Variants in CRTC1 observed in about 807,000 individuals in gnomAD.
The protein encoded by CRTC1 is CREB regulated transcription coactivator 1.
In CRTC1, 18 loss-of-function variants were observed where a neutral mutation model predicts 66.1. The observed-to-expected ratio is 0.27, with a 90% CI of 0.19 to 0.40. CRTC1 has a LOEUF of 0.40. Ranked by LOEUF, CRTC1 falls within the 10% of genes least tolerant of loss-of-function variation. The pLI is 1.00. For missense variants in CRTC1, 669 were observed against 887.9 expected, an observed-to-expected ratio of 0.75 and a Z score of 3.13; for synonymous variants, 416 against 398.8, an observed-to-expected ratio of 1.04 and a Z score of -0.51.
intron 1 of CRTC1, among the ~76,000 whole-genome samples, chr19:18,688,688 T>G (rs1163799586): frequency 6.6e-6 from 1 of 152,090 alleles, no homozygotes; most frequent in Non-Finnish European, 1.5e-5. Flanking sequence ...TCCGCCCACC[T>G]CGGCCTCTCG....
chr19:18,734,079 G>A (rs1026191547), intron 1 of CRTC1, among the ~76,000 whole-genome samples: 4 of 152,004 alleles, frequency 2.6e-5, no homozygotes, highest in African/African-American at 9.7e-5. Flanking sequence ...TGCAGCCTGG[G>A]TGACAAGAGT....
At chr19:18,720,127 G>A (rs1184977670) in intron 1 of CRTC1, among the ~76,000 whole-genome samples, 1 of 152,226 alleles carries the variant, frequency 6.6e-6, no homozygotes, top group Non-Finnish European at 1.5e-5. Context: ...CAAGAGATGT[G>A]TTTTGAGTCA....
Position 18,780,418 on chromosome 19 carries a change from T to C in CRTC1, c.*3036T>C, listed in dbSNP as rs542009001. On this transcript the variant is annotated 3_prime_UTR_variant, in exon 14 of 14. Transcript: ENST00000321949. The stretch of plus-strand genomic sequence containing the variant: ...AGCCCAAGTTCAGCCTCTCTCTGTG[T>C]CCTCCAGAGAAGAGGGTTCTTTGCC... 4.3e-6 allele frequency: 1 copy of C among 232,186 alleles called. No homozygotes were observed. The highest frequency in any genetic ancestry group is 1.8e-4 in the South Asian group (1 of 5,526). The allele number at this position is 232,186 out of a possible 1,614,324, so 14.4% of individuals were successfully genotyped here.
At position 18,749,860 on chromosome 19, in the gene CRTC1, G is replaced by T. The variant is rs780879532; in HGVS notation, c.523G>T (p.Val175Leu). 1 of 1,613,868 alleles carries T rather than the reference G, an allele frequency of 6.2e-7. No individual in the cohort carries two copies. Among genetic ancestry groups the T allele is most frequent in the Middle Eastern group, 1.6e-4 (1 of 6,062 alleles). The change falls in exon 5 of 14, where the codon GTG becomes TTG. Residue 175 changes from valine to leucine, a missense_variant. Physicochemically the swap from Val to Leu is conservative, Grantham distance 32 (BLOSUM62 1). Transcript: ENST00000321949. ...PESFSSGSQD[V>L]HQKRVLLLTV... ...ATCCTTTAGCAGTGGGTCCCAGGAC[G>T]TGCACCAGAAAAGAGGTATGGACAG...
chr19:18,690,637 A>G (rs1156915057), intron 1 of CRTC1, among the ~76,000 whole-genome samples: 1 of 152,142 alleles, frequency 6.6e-6, no homozygotes, highest in East Asian at 1.9e-4. Context: ...CCTTAGTTGG[A>G]AAAAAGGTTT....
In CRTC1 at chr19:18,780,690, G is replaced by T. The variant is rs1482873444; in HGVS notation, c.*3308G>T. The T allele has an allele frequency of 4.5e-6, 1 of 222,218 alleles. No homozygotes were observed. The highest frequency in any genetic ancestry group is 9.0e-6 in the Non-Finnish European group (1 of 111,188). 13.8% of individuals were successfully genotyped at this position (222,218 alleles called of 1,614,324 possible). ...AGAAGCCCATGGGGGGCCAGGCCGGGTGGCTTCTATTTTATTTTTTTAGAG... is the reference window on the plus strand; with the variant it reads ...AGAAGCCCATGGGGGGCCAGGCCGGTTGGCTTCTATTTTATTTTTTTAGAG... On this transcript the variant is annotated 3_prime_UTR_variant, in exon 14 of 14. Transcript: ENST00000321949.
intron 1 of CRTC1, among the ~76,000 whole-genome samples, chr19:18,727,470 A>G (rs971457983): frequency 2.7e-5 from 4 of 148,322 alleles, no homozygotes; most frequent in Non-Finnish European, 4.5e-5. Flanking sequence ...AGTCCCAGCT[A>G]TGTGGGAGGC....
intron 1 of CRTC1, among the ~76,000 whole-genome samples, chr19:18,687,115 A>G (rs1218321964): frequency 6.8e-6 from 1 of 146,182 alleles, no homozygotes. Flanking sequence ...TCCCGAGTTC[A>G]AGTGATTCTC....
intron 1 of CRTC1, among the ~76,000 whole-genome samples, chr19:18,734,053 G>A (rs1268284718): frequency 6.6e-6 from 1 of 152,072 alleles, no homozygotes; most frequent in Non-Finnish European, 1.5e-5. Flanking sequence ...AGTGAGTCAA[G>A]ATCGCGCCAC....
At chr19:18,697,271 C>T (rs150036376) in intron 1 of CRTC1, among the ~76,000 whole-genome samples, 4 of 152,234 alleles carry the variant, frequency 2.6e-5, no homozygotes, top group African/African-American at 7.2e-5. Context: ...GCAGCCTCAT[C>T]GGTGTCCAGC....
intron 1 of CRTC1, among the ~76,000 whole-genome samples, chr19:18,687,035 A>C (rs1247051892): frequency 2.2e-5 from 1 of 45,562 alleles, no homozygotes; most frequent in African/African-American, 1.0e-4. Flanking sequence ...TTTTTTTTTG[A>C]GATAGACTCT....
At chr19:18,754,100 C>CA (rs35678786) in intron 6 of CRTC1, among the ~76,000 whole-genome samples, 7,566 of 80,372 alleles carry the variant, frequency 0.094, 268 homozygotes, top group South Asian at 0.12. Flanking sequence ...GACTCCATCT[C>CA]AAAAAAAAAA....
chr19:18,755,350 C>G (rs1337506488), intron 6 of CRTC1, among the ~76,000 whole-genome samples: 1 of 152,154 alleles, frequency 6.6e-6, no homozygotes, highest in Non-Finnish European at 1.5e-5. Flanking sequence ...GCCTTGGAGT[C>G]CTGGACTTAA....
At chr19:18,710,651 A>C (rs1377220641) in intron 1 of CRTC1, among the ~76,000 whole-genome samples, 2 of 151,546 alleles carry the variant, frequency 1.3e-5, no homozygotes, top group East Asian at 1.9e-4. Context: ...TCACTCTTTC[A>C]CCCAAGCTGG....
At chr19:18,695,301 G>A (rs994016305) in intron 1 of CRTC1, among the ~76,000 whole-genome samples, 15 of 152,066 alleles carry the variant, frequency 9.9e-5, no homozygotes, top group African/African-American at 3.6e-4. Flanking sequence ...CACTGCGCCC[G>A]GCCTGGGGAT....
rs1232324476 is a variant in CRTC1 at position 18,778,613 on chromosome 19, TG to T, written c.*1233del. ...AGAACAGACTTCCGGGAAGGGGCCT[TG>T]GCTTTTATTGAGGGTCTCTCAAAGA... is the stretch of plus-strand genomic sequence containing the variant. On this transcript the variant is annotated 3_prime_UTR_variant, in exon 14 of 14. Transcript: ENST00000321949. 6 of 230,592 alleles carry T rather than the reference TG, an allele frequency of 2.6e-5. No homozygotes were observed. Among genetic ancestry groups the T allele is most frequent in the Non-Finnish European group, 5.2e-5 (6 of 116,462 alleles). The allele number at this position is 230,592 out of a possible 1,614,324, so 14.3% of individuals were successfully genotyped here. A position where few individuals can be genotyped will look rare whatever the true frequency, so the allele number is the denominator to read the frequency against.
intron 1 of CRTC1, among the ~76,000 whole-genome samples, chr19:18,734,638 G>A (rs148914996): frequency 2.2e-3 from 332 of 152,204 alleles, no homozygotes; most frequent in African/African-American, 7.6e-3. Context: ...TGATCGTGCC[G>A]CTGTACTCCA....
At chr19:18,703,974 G>T (rs535108587) in intron 1 of CRTC1, among the ~76,000 whole-genome samples, 11 of 152,140 alleles carry the variant, frequency 7.2e-5, no homozygotes, top group East Asian at 5.8e-4. Flanking sequence ...CTCATCATCC[G>T]TGACCTTCAC....
chr19:18,731,129 A>C (rs1026757001), intron 1 of CRTC1, among the ~76,000 whole-genome samples: 5 of 152,220 alleles, frequency 3.3e-5, no homozygotes, highest in Admixed American at 2.0e-4. Flanking sequence ...GGTGTGTGCC[A>C]ATGTGCTCAG....
Sources: allele counts gnomAD v4.1 joint callset (sites outside exome capture counted in the v4.1 genomes callset), GRCh38; gene constraint gnomAD v4.1.1; transcripts MANE v1.5; gene names NCBI Gene and HGNC (gene_info 2026-07-23, HGNC 2026-07-21).